The following CTNNA2 variants were observed in gnomAD, a reference collection of about 807,000 sequenced individuals.
CTNNA2 encodes the protein catenin alpha-2.
Under a neutral mutation model 101.0 loss-of-function variants are expected in CTNNA2, and 42 were observed. The observed-to-expected ratio is 0.42, with a 90% CI of 0.32 to 0.54. CTNNA2 has a LOEUF of 0.54. Among genes scored for constraint, CTNNA2 ranks in the 20% least tolerant of loss-of-function variants. CTNNA2 has a pLI of 0.14. For synonymous variants in CTNNA2, 450 were observed against 456.4 expected (o/e 0.99, Z 0.18); for missense variants, 871 against 1,223.1 (o/e 0.71, Z 4.29).
At chr2:79,288,266 T>C (rs1466646318) in intron 2 of CTNNA2, among the ~76,000 whole-genome samples, 1 of 152,234 alleles carries the variant, frequency 6.6e-6, no homozygotes, top group Non-Finnish European at 1.5e-5. Flanking sequence ...CCATCTTGGC[T>C]CCTCCTTATA....
intron 7 of CTNNA2, among the ~76,000 whole-genome samples, chr2:80,032,214 G>C (rs1695336497): frequency 2.0e-5 from 3 of 152,106 alleles, no homozygotes; most frequent in Admixed American, 6.6e-5. Context: ...GCAGGTGTCA[G>C]AGAGCATCAG....
intron 3 of CTNNA2, among the ~76,000 whole-genome samples, chr2:79,795,801 A>AT (rs1243197681): frequency 6.6e-6 from 1 of 152,224 alleles, no homozygotes; most frequent in Admixed American, 6.5e-5. Context: ...CTATGAGAAA[A>AT]TGCATTTCCA....
At chr2:80,249,073 G>T (rs2149103240) in intron 7 of CTNNA2, among the ~76,000 whole-genome samples, 1 of 152,244 alleles carries the variant, frequency 6.6e-6, no homozygotes, top group Non-Finnish European at 1.5e-5. Context: ...ATCATCAGCA[G>T]GCTCTTCCAG....
upstream of CTNNA2, among the ~76,000 whole-genome samples, chr2:79,510,354 A>T (rs1176826030): frequency 1.3e-5 from 2 of 152,234 alleles, no homozygotes; most frequent in Non-Finnish European, 2.9e-5. Flanking sequence ...AAAAGAAATA[A>T]GGGTTTTAAA....
chr2:80,634,642 A>G, intron 18 of CTNNA2, among the ~76,000 whole-genome samples: 1 of 152,112 alleles, frequency 6.6e-6, no homozygotes, highest in East Asian at 1.9e-4. Flanking sequence ...ATTTGAGAAT[A>G]AACGGGGTAA....
At chr2:80,543,628 G>C (rs1389735957) in intron 9 of CTNNA2, among the ~76,000 whole-genome samples, 1 of 152,154 alleles carries the variant, frequency 6.6e-6, no homozygotes, top group South Asian at 2.1e-4. Flanking sequence ...TAAGGAAGCA[G>C]CAATCTAAAA....
intron 7 of CTNNA2, among the ~76,000 whole-genome samples, chr2:80,173,080 A>T (rs529367400): frequency 1.3e-5 from 2 of 152,338 alleles, no homozygotes; most frequent in Non-Finnish European, 2.9e-5. Context: ...GGTAATTTGT[A>T]TGCACATTAA....
intron 1 of CTNNA2, among the ~76,000 whole-genome samples, chr2:79,605,602 T>C (rs1206310754): frequency 6.6e-6 from 1 of 151,960 alleles, no homozygotes; most frequent in African/African-American, 2.4e-5. Flanking sequence ...ACAGTATATT[T>C]CTCATTTAAA....
At chr2:80,608,424 T>C (rs1698200147) in intron 17 of CTNNA2, 106 bp downstream of exon 17, 8 of 1,182,096 alleles carry the variant, frequency 6.8e-6, no homozygotes, top group Non-Finnish European at 8.2e-6. Flanking sequence ...CAGTGATTTA[T>C]AGGGAGGGCT....
intron 4 of CTNNA2, among the ~76,000 whole-genome samples, chr2:79,860,553 T>TTTTTTTG (rs1553385389): frequency 6.7e-6 from 1 of 149,808 alleles, no homozygotes; most frequent in African/African-American, 2.5e-5. Flanking sequence ...GAAGTTTTTT[T>TTTTTTTG]TTTTTTTTTT....
chr2:80,612,534 G>C (rs1698547893), intron 17 of CTNNA2, among the ~76,000 whole-genome samples: 1 of 151,430 alleles, frequency 6.6e-6, no homozygotes, highest in Non-Finnish European at 1.5e-5. Flanking sequence ...TAAACTATCT[G>C]ATCCAATACA....
chr2:79,572,683 T>G (rs1314214415), intron 1 of CTNNA2, among the ~76,000 whole-genome samples: 1 of 152,088 alleles, frequency 6.6e-6, no homozygotes, highest in Non-Finnish European at 1.5e-5. Context: ...ACCTAAGAGG[T>G]GGAGGTTGCA....
intron 9 of CTNNA2, among the ~76,000 whole-genome samples, chr2:80,479,877 A>G (rs543459235): frequency 1.2e-4 from 18 of 152,294 alleles, no homozygotes; most frequent in African/African-American, 3.8e-4. Context: ...TTCAGATGCA[A>G]AGCTTGAATA....
chr2:80,032,218 G>A (rs1206056529), intron 7 of CTNNA2, among the ~76,000 whole-genome samples: 1 of 152,176 alleles, frequency 6.6e-6, no homozygotes, highest in African/African-American at 2.4e-5. Flanking sequence ...GTGTCAGAGA[G>A]CATCAGCAAA....
chr2:79,734,465 A>G (rs553279757), intron 2 of CTNNA2, among the ~76,000 whole-genome samples: 14 of 152,268 alleles, frequency 9.2e-5, no homozygotes, highest in African/African-American at 2.6e-4. Flanking sequence ...TTAAAATGAC[A>G]TAAATTGTAA....
chr2:80,105,152 A>G (rs1700798816), intron 7 of CTNNA2, among the ~76,000 whole-genome samples: 2 of 152,202 alleles, frequency 1.3e-5, no homozygotes, highest in African/African-American at 4.8e-5. Flanking sequence ...TTCTCTGTGG[A>G]ATTCTTTTCA....
At chr2:80,600,687 C>T (rs891028483) in intron 15 of CTNNA2, among the ~76,000 whole-genome samples, 58 of 152,094 alleles carry the variant, frequency 3.8e-4, no homozygotes, top group African/African-American at 1.4e-3. Context: ...AACGTCTAAA[C>T]GACTGAACAT....
chr2:80,331,236 G>C (rs553852337), intron 7 of CTNNA2, among the ~76,000 whole-genome samples: 1 of 152,076 alleles, frequency 6.6e-6, no homozygotes, highest in African/African-American at 2.4e-5. Context: ...TTATCACATC[G>C]GGCATGCGGT....
At chr2:79,479,068 A>T (rs1479577181) in intron 4 of CTNNA2, among the ~76,000 whole-genome samples, 1 of 152,178 alleles carries the variant, frequency 6.6e-6, no homozygotes. Flanking sequence ...GATAGTAAGA[A>T]TTCATGATCT....
Sources: gnomAD v4.1 joint callset for allele counts (sites outside exome capture counted in the v4.1 genomes callset) on GRCh38, gnomAD v4.1.1 for gene constraint, MANE v1.5 for transcripts, NCBI Gene and HGNC (gene_info 2026-07-23, HGNC 2026-07-21) for gene names.